LBP: variants seen among roughly 807,000 people sequenced by gnomAD.
LBP encodes lipopolysaccharide-binding protein.
In LBP, 53 loss-of-function variants were observed where a neutral mutation model predicts 56.6. The ratio of observed to expected loss-of-function variants is 0.94; its 90% CI spans 0.75 to 1.18. LBP has a LOEUF of 1.18. LBP is among the 50% of genes most tolerant of loss of function. The pLI is 0.00. For missense variants in LBP, 601 were observed against 598.3 expected, an observed-to-expected ratio of 1.00 and a Z score of -0.05; for synonymous variants, 227 against 247.5, an observed-to-expected ratio of 0.92 and a Z score of 0.78.
intron 5 of LBP, among the ~76,000 whole-genome samples, chr20:38,356,053 A>G (rs1204757451): frequency 5.4e-5 from 8 of 147,632 alleles, no homozygotes; most frequent in Admixed American, 2.0e-4. Flanking sequence ...GAGGAAAGGG[A>G]AAAAAACACA....
chr20:38,346,770 T>G, intron 1 of LBP, 130 bp downstream of exon 1: 1 of 1,285,304 alleles, frequency 7.8e-7, no homozygotes, highest in Non-Finnish European at 1.1e-6. Context: ...CTGGGTCAGG[T>G]GGCTCTGGCT....
chr20:38,373,366 ACCT>A (rs2076907395), intron 13 of LBP, among the ~76,000 whole-genome samples: 1 of 152,006 alleles, frequency 6.6e-6, no homozygotes, highest in South Asian at 2.1e-4. Context: ...AGCACGGGAA[ACCT>A]CCTTATAAGC....
chr20:38,373,953 C>T lies in LBP; in HGVS notation c.1341C>T (p.Gly447=), dbSNP rs1192366563. 5.6e-6 allele frequency: 9 copies of T among 1,614,044 alleles called. No homozygotes were observed. The highest frequency in any genetic ancestry group is 7.6e-6 in the Non-Finnish European group (9 of 1,180,004). Residue 447 remains glycine (G), a synonymous_variant, in exon 14 of 15, where the codon GGC becomes GGT. Transcript: ENST00000217407. ...AACCTCTAGATAAGTTGGCCGAAGG[C>T]TTCCCCCTTCCTCTGCTGAAGCGTG... The part of the protein sequence containing the change: ...YPKFNDKLAE[G]FPLPLLKRVQ...
chr20:38,357,018 G>C (rs1185243195), intron 5 of LBP, among the ~76,000 whole-genome samples: 1 of 152,116 alleles, frequency 6.6e-6, no homozygotes, highest in African/African-American at 2.4e-5. Flanking sequence ...ACCATGCCCA[G>C]TTAATTTTTT....
At chr20:38,354,897 C>T (rs1166367995) in intron 4 of LBP, among the ~76,000 whole-genome samples, 3 of 152,056 alleles carry the variant, frequency 2.0e-5, no homozygotes, top group Admixed American at 6.5e-5. Context: ...GCCTGGGCAA[C>T]GTGGTAAAAC....
At position 38,360,744 on chromosome 20, in the gene LBP, A is replaced by G. The variant is rs1379858594; in HGVS notation, c.629A>G (p.Gln210Arg). ...CAGAAATCAGTGTCCTCCGATCTAC[A>G]GCCTTATCTCCAAACTCTGCCAGGT... ...MIQKSVSSDLQPYLQTLPVTT... is the reference protein window; with the variant it reads ...MIQKSVSSDLRPYLQTLPVTT... Residue 210 changes from glutamine to arginine, a missense_variant, in exon 6 of 15, where the codon CAG becomes CGG. Transcript: ENST00000217407. 1.2e-6 allele frequency: 2 copies of G among 1,613,102 alleles called. No individual in the cohort carries two copies. The highest frequency in any genetic ancestry group is 3.3e-5 in the Admixed American group (2 of 60,010).
intron 14 of LBP, among the ~76,000 whole-genome samples, chr20:38,375,940 CA>C (rs1181213049): frequency 6.6e-6 from 1 of 152,204 alleles, no homozygotes; most frequent in Non-Finnish European, 1.5e-5. Flanking sequence ...CTGAGATACT[CA>C]GCACTTAACT....
At chr20:38,349,710 G>A in intron 2 of LBP, 48 bp downstream of exon 2, 2 of 1,349,534 alleles carry the variant, frequency 1.5e-6, no homozygotes, top group Non-Finnish European at 2.1e-6. Flanking sequence ...GGAGCTGGCT[G>A]TCAGGGGGAA....
chr20:38,355,248 C>T (rs1341008916), intron 4 of LBP, 98 bp from the exon 5 acceptor site: 3 of 1,060,698 alleles, frequency 2.8e-6, no homozygotes, highest in Non-Finnish European at 4.4e-6. Flanking sequence ...GTGGAGAGGG[C>T]TCCCTTTGTG....
At chr20:38,367,872 C>G (rs948391143) in intron 9 of LBP, among the ~76,000 whole-genome samples, 4 of 152,018 alleles carry the variant, frequency 2.6e-5, no homozygotes, top group African/African-American at 9.7e-5. Flanking sequence ...CTCTAGTACA[C>G]AGAAAATTAA....
rs1568838425 is a variant in LBP at position 38,376,705 on chromosome 20, A to T, written c.*36A>T. 6.3e-7 allele frequency: 1 copy of T among 1,587,616 alleles called. No homozygotes were observed. Among genetic ancestry groups the T allele is most frequent in the African/African-American group, 1.3e-5 (1 of 74,508 alleles). The stretch of plus-strand genomic sequence containing the variant: ...GATGAAGCTTGGAGGTCACAGCTGG[A>T]TCTGCTTGTTGCATTTCCAGCTGTG... On this transcript the variant is annotated 3_prime_UTR_variant, in exon 15 of 15. Transcript: ENST00000217407.
chr20:38,363,531 A>G (rs2076869213), intron 6 of LBP, among the ~76,000 whole-genome samples: 1 of 152,204 alleles, frequency 6.6e-6, no homozygotes, highest in Non-Finnish European at 1.5e-5. Flanking sequence ...TTATTTGCTG[A>G]CATCACCTTT....
Position 38,376,739 on chromosome 20 carries a change from C to G in LBP, c.*70C>G. On this transcript the variant is annotated 3_prime_UTR_variant, in exon 15 of 15. Transcript: ENST00000217407. Reference sequence around the variant, plus strand: ...TTGCATTTCCAGCTGTGCAGCACGTCTCAGAGATTCTTGAAGAATGAAGAC... The same window carrying G: ...TTGCATTTCCAGCTGTGCAGCACGTGTCAGAGATTCTTGAAGAATGAAGAC... 1 of 1,424,406 alleles carries G rather than the reference C, an allele frequency of 7.0e-7. No individual in the cohort carries two copies. Among genetic ancestry groups the G allele is most frequent in the Non-Finnish European group, 9.9e-7 (1 of 1,009,366 alleles). The allele number at this position is 1,424,406 out of a possible 1,614,324, so 88.2% of individuals were successfully genotyped here. A position where few individuals can be genotyped will look rare whatever the true frequency, so the allele number is the denominator to read the frequency against.
chr20:38,375,453 C>T (rs1168444480), intron 14 of LBP, among the ~76,000 whole-genome samples: 1 of 151,732 alleles, frequency 6.6e-6, no homozygotes, highest in Non-Finnish European at 1.5e-5. Context: ...TGGTGGTGCG[C>T]ACCTGTAATC....
chr20:38,349,611 C>T lies in LBP; in HGVS notation c.188C>T (p.Thr63Ile). The T allele has an allele frequency of 6.2e-7, 1 of 1,612,122 alleles. No individual in the cohort carries two copies. Among genetic ancestry groups the T allele is most frequent in the Non-Finnish European group, 8.5e-7 (1 of 1,179,346 alleles). The change falls in exon 2 of 15, where the codon ACC becomes ATC. Residue 63 changes from threonine to isoleucine, a missense_variant. Physicochemically the swap from Thr to Ile is moderately conservative, Grantham distance 89 (BLOSUM62 -1). Transcript: ENST00000217407. ...ELLRITLPDF[T>I]GDLRIPHVGR... Reference sequence around the variant, plus strand: ...CTCAGGATCACGCTGCCTGACTTCACCGGGGACTTGAGGATCCCCCACGTC... The same window carrying T: ...CTCAGGATCACGCTGCCTGACTTCATCGGGGACTTGAGGATCCCCCACGTC...
Position 38,363,985 on chromosome 20 carries a change from G to T in LBP, c.663G>T (p.Glu221Asp). The T allele has an allele frequency of 1.2e-6, 2 of 1,613,248 alleles. No homozygotes were observed. The highest frequency in any genetic ancestry group is 2.2e-5 in the East Asian group (1 of 44,876). ...TGTCCTCATTCACAGTTACAACAGA[G>T]ATTGACAGTTTCGCCGACATTGATT... The part of the protein sequence containing the change: ...PYLQTLPVTT[E>D]IDSFADIDYS... The change falls in exon 7 of 15, where the codon GAG becomes GAT. Residue 221 changes from glutamate to aspartate, a missense_variant. Transcript: ENST00000217407.
chr20:38,376,743 G>A lies in LBP; in HGVS notation c.*74G>A. 1 of 1,416,336 alleles carries A rather than the reference G, an allele frequency of 7.1e-7. No homozygotes were observed. Among genetic ancestry groups the A allele is most frequent in the Non-Finnish European group, 1.0e-6 (1 of 1,002,550 alleles). The allele number at this position is 1,416,336 out of a possible 1,614,324, so 87.7% of individuals were successfully genotyped here. Reference sequence around the variant, plus strand: ...ATTTCCAGCTGTGCAGCACGTCTCAGAGATTCTTGAAGAATGAAGACATTT... The same window carrying A: ...ATTTCCAGCTGTGCAGCACGTCTCAAAGATTCTTGAAGAATGAAGACATTT... On this transcript the variant is annotated 3_prime_UTR_variant, in exon 15 of 15. Transcript: ENST00000217407.
intron 3 of LBP, among the ~76,000 whole-genome samples, chr20:38,353,994 G>A (rs1418996759): frequency 6.6e-6 from 1 of 151,466 alleles, no homozygotes; most frequent in Admixed American, 6.6e-5. Context: ...TTTACATATG[G>A]CATTTTTTTT....
chr20:38,349,680 G>A lies in LBP; in HGVS notation c.239+18G>A. 1.9e-6 allele frequency: 3 copies of A among 1,544,658 alleles called. No individual in the cohort carries two copies. Among genetic ancestry groups the A allele is most frequent in the Non-Finnish European group, 2.7e-6 (3 of 1,130,770 alleles). On this transcript the variant is annotated intron_variant, in intron 2 of 14. Coordinates refer to ENST00000217407, the MANE Select transcript of LBP (RefSeq NM_004139.5). Reference sequence around the variant, plus strand: ...TTCCACAGGTGGGGCTCTCCCTTCTGCTGCGGCTCTGAAGTGGCTGGAGCT... The same window carrying A: ...TTCCACAGGTGGGGCTCTCCCTTCTACTGCGGCTCTGAAGTGGCTGGAGCT...
Sources: gnomAD v4.1 joint callset for allele counts (sites outside exome capture counted in the v4.1 genomes callset) on GRCh38, gnomAD v4.1.1 for gene constraint, MANE v1.5 for transcripts, NCBI Gene and HGNC (gene_info 2026-07-23, HGNC 2026-07-21) for gene names.